The following SUGCT variants were observed in gnomAD, a reference collection of about 807,000 sequenced individuals.
SUGCT encodes succinyl-CoA:glutarate-CoA transferase, also known as succinyl-CoA:glutarate CoA-transferase.
SUGCT carries 41 observed loss-of-function variants against 55.0 expected under a neutral mutation model. The observed-to-expected ratio is 0.74, with a 90% CI of 0.58 to 0.97. The LOEUF is 0.97. SUGCT is among the 50% of genes least tolerant of loss of function. The probability of loss-of-function intolerance (pLI) is 0.00; values close to 1 mark genes in which losing one functional copy is unlikely to be tolerated. For missense variants in SUGCT, 568 were observed against 547.8 expected (o/e 1.04, Z -0.37); for synonymous variants, 187 against 200.4 (o/e 0.93, Z 0.56).
intron 9 of SUGCT, among the ~76,000 whole-genome samples, chr7:40,429,265 G>C (rs908674791): frequency 6.6e-6 from 1 of 151,916 alleles, no homozygotes; most frequent in African/African-American, 2.4e-5. Flanking sequence ...CTGCTATTTT[G>C]TATCCTCTGA....
Position 40,439,389 on chromosome 7 carries a change from T to A in SUGCT, c.817-9898T>A, listed in dbSNP as rs1437975843. On this transcript the variant is annotated intron_variant, in intron 9 of 13. Coordinates refer to ENST00000335693, the MANE Select transcript of SUGCT (RefSeq NM_001193313.2). ...TCTCCTATCTTTACCACTTTCTTTC[T>A]TATGCAGCTAGTCTGTGGCTCATTG... Among the ~76,000 whole-genome samples, 3 of 152,032 alleles carry A rather than the reference T, an allele frequency of 2.0e-5. No individual in the cohort carries two copies. The East Asian group carries it at 5.8e-4, about 30-fold the overall frequency.
At chr7:40,267,366 T>C (rs1187856290) in intron 7 of SUGCT, among the ~76,000 whole-genome samples, 1 of 152,196 alleles carries the variant, frequency 6.6e-6, no homozygotes, top group Non-Finnish European at 1.5e-5. Flanking sequence ...GTACTATCAA[T>C]TTCTAGAGCT....
At chr7:40,458,659 C>T (rs1789617427) in intron 10 of SUGCT, among the ~76,000 whole-genome samples, 1 of 152,106 alleles carries the variant, frequency 6.6e-6, no homozygotes, top group Admixed American at 6.5e-5. Flanking sequence ...GTGAATATAT[C>T]TACAAGGTAC....
the SUGCT span, among the ~76,000 whole-genome samples, chr7:40,883,453 C>T: frequency 6.6e-6 from 1 of 152,168 alleles, no homozygotes; most frequent in Non-Finnish European, 1.5e-5. Flanking sequence ...TGGAGTTTAA[C>T]ACCCTAAGGT....
At chr7:40,862,731 G>GTTT (rs200059575), downstream of SUGCT, among the ~76,000 whole-genome samples, 2 of 134,338 alleles carry the variant, frequency 1.5e-5, no homozygotes, top group African/African-American at 5.6e-5. Flanking sequence ...TCTTTTTCTT[G>GTTT]TTTTTTTTTT....
rs1788807106 is a variant in SUGCT, at chr7:40,766,658, A to G, written c.1153+17161A>G. Among the ~76,000 whole-genome samples, 3 of 152,314 alleles carry G rather than the reference A, an allele frequency of 2.0e-5. No homozygotes were observed. In the East Asian group the frequency reaches 5.8e-4, roughly 29 times the overall value. ...TTTTCCTGCCATATTCTCTTAGGGT[A>G]TGTATAGAGAACTGCTGGAGTATTT... On this transcript the variant is annotated intron_variant, in intron 13 of 13. Coordinates refer to ENST00000335693, the MANE Select transcript of SUGCT (RefSeq NM_001193313.2).
chr7:40,166,886 CAAAA>C (rs34209472), intron 1 of SUGCT, among the ~76,000 whole-genome samples: 7 of 118,726 alleles, frequency 5.9e-5, no homozygotes, highest in Non-Finnish European at 9.0e-5. Context: ...GACTCCACCT[CAAAA>C]AAAAAAAAAA....
intron 12 of SUGCT, among the ~76,000 whole-genome samples, chr7:40,630,134 A>G (rs1296081241): frequency 6.6e-6 from 1 of 152,062 alleles, no homozygotes; most frequent in Non-Finnish European, 1.5e-5. Flanking sequence ...GCCTCCCATC[A>G]CTTCCTCCAA....
intron 12 of SUGCT, among the ~76,000 whole-genome samples, chr7:40,700,262 A>T (rs1164870931): frequency 6.6e-6 from 1 of 152,178 alleles, no homozygotes; most frequent in East Asian, 1.9e-4. Context: ...GCCTGCCTTT[A>T]CATCTCCAGT....
At chr7:40,925,947 A>G in the SUGCT span, among the ~76,000 whole-genome samples, 1 of 152,100 alleles carries the variant, frequency 6.6e-6, no homozygotes, top group Non-Finnish European at 1.5e-5. Context: ...TCCAAGAATT[A>G]TCCAGGCATG....
chr7:40,962,422 G>A, the SUGCT span, among the ~76,000 whole-genome samples: 14 of 152,128 alleles, frequency 9.2e-5, no homozygotes, highest in African/African-American at 3.4e-4. Flanking sequence ...CTCTCAGAAA[G>A]AAGGTAGTGT....
chr7:40,267,919 T>C (rs1456979409), intron 7 of SUGCT, among the ~76,000 whole-genome samples: 3 of 152,200 alleles, frequency 2.0e-5, no homozygotes. Context: ...CTTTAGTTAT[T>C]GTTACCCTTG....
At chr7:40,183,607 AG>A (rs1785339071) in intron 3 of SUGCT, among the ~76,000 whole-genome samples, 4 of 152,172 alleles carry the variant, frequency 2.6e-5, no homozygotes, top group Admixed American at 1.3e-4. Flanking sequence ...TTGGAATTAC[AG>A]GTGTGAGCTA....
chr7:40,522,830 T>A (rs1343880338), intron 12 of SUGCT, among the ~76,000 whole-genome samples: 1 of 152,118 alleles, frequency 6.6e-6, no homozygotes, highest in African/African-American at 2.4e-5. Flanking sequence ...TTCTGCCTCT[T>A]GTTGAGGGTT....
chr7:40,729,039 T>C (rs1462564733), intron 12 of SUGCT, among the ~76,000 whole-genome samples: 1 of 152,224 alleles, frequency 6.6e-6, no homozygotes, highest in African/African-American at 2.4e-5. Flanking sequence ...CAGTAAAGTC[T>C]GACTCTAGAG....
chr7:40,388,021 G>C (rs1214400729), intron 9 of SUGCT: 1 of 152,130 alleles, frequency 6.6e-6, no homozygotes, highest in Non-Finnish European at 1.5e-5. Context: ...GAGACGCTTG[G>C]GCTGACCTAA....
Position 40,588,392 on chromosome 7 carries a change from A to T in SUGCT, c.1089+92006A>T, listed in dbSNP as rs138496122. Among the ~76,000 whole-genome samples the T allele has an allele frequency of 3.5e-3, 531 of 152,274 alleles. 1 individual carries two copies. Among genetic ancestry groups the T allele is most frequent in the Admixed American group, 6.9e-3 (106 of 15,288 alleles). On this transcript the variant is annotated intron_variant, in intron 12 of 13. Coordinates refer to ENST00000335693, the MANE Select transcript of SUGCT (RefSeq NM_001193313.2). Reference sequence around the variant, plus strand: ...TTCACTAGTTTTGTTATGTATTCATAAAACTATAGATTAGTATAATTTTTA... The same window carrying T: ...TTCACTAGTTTTGTTATGTATTCATTAAACTATAGATTAGTATAATTTTTA...
chr7:40,807,673 G>T (rs1322900680), intron 13 of SUGCT, among the ~76,000 whole-genome samples: 2 of 152,166 alleles, frequency 1.3e-5, no homozygotes, highest in Non-Finnish European at 2.9e-5. Context: ...CATGTCCCAT[G>T]GTGTATTAGT....
At chr7:40,642,083 T>C (rs1179376793) in intron 12 of SUGCT, among the ~76,000 whole-genome samples, 1 of 152,212 alleles carries the variant, frequency 6.6e-6, no homozygotes, top group Admixed American at 6.5e-5. Flanking sequence ...CACTTTGTTT[T>C]GTAAAGTAAG....
Sources: allele counts gnomAD v4.1 joint callset (sites outside exome capture counted in the v4.1 genomes callset), GRCh38; gene constraint gnomAD v4.1.1; transcripts MANE v1.5; gene names NCBI Gene and HGNC (gene_info 2026-07-23, HGNC 2026-07-21).